The following C5orf15 variants were observed in gnomAD, a reference collection of about 807,000 sequenced individuals.
C5orf15 encodes the protein keratinocyte-associated transmembrane protein 2.
In C5orf15, 10 loss-of-function variants were observed where a neutral mutation model predicts 17.8. The ratio of observed to expected loss-of-function variants is 0.56; its 90% CI spans 0.35 to 0.95. C5orf15 has a LOEUF of 0.95. Ranked by LOEUF, C5orf15 falls within the 40% of genes least tolerant of loss-of-function variation. The pLI, the probability that C5orf15 is intolerant of heterozygous loss-of-function variation, is 0.02. For missense variants in C5orf15, 319 were observed against 331.7 expected, an observed-to-expected ratio of 0.96 and a Z score of 0.30; for synonymous variants, 124 against 131.0, an observed-to-expected ratio of 0.95 and a Z score of 0.36.
intron 2 of C5orf15, among the ~76,000 whole-genome samples, chr5:133,958,679 GA>G (rs1752073922): frequency 7.0e-6 from 1 of 142,836 alleles, no homozygotes; most frequent in South Asian, 2.2e-4. Context: ...TTATAGACCA[GA>G]AATACACCAA....
chr5:133,963,864 AT>A (rs899507677), intron 1 of C5orf15, among the ~76,000 whole-genome samples: 2 of 152,216 alleles, frequency 1.3e-5, no homozygotes, highest in African/African-American at 4.8e-5. Flanking sequence ...ACAATCAGGC[AT>A]CCTTCAACAG....
intron 2 of C5orf15, among the ~76,000 whole-genome samples, chr5:133,957,816 T>G (rs980178908): frequency 6.6e-6 from 1 of 152,232 alleles, no homozygotes; most frequent in Non-Finnish European, 1.5e-5. Flanking sequence ...GCTTACAGTG[T>G]TACAAAGCAA....
intron 1 of C5orf15, among the ~76,000 whole-genome samples, chr5:133,966,111 C>A (rs1580700167): frequency 6.6e-6 from 1 of 151,658 alleles, no homozygotes; most frequent in East Asian, 1.9e-4. Context: ...TCCCAGCATA[C>A]TCGGGAGGCT....
chr5:133,962,757 A>G (rs73787981), intron 1 of C5orf15, among the ~76,000 whole-genome samples: 2 of 152,100 alleles, frequency 1.3e-5, no homozygotes, highest in African/African-American at 4.8e-5. Context: ...AAGACCTCCT[A>G]TCCTTCCAGT....
At chr5:133,959,274 G>C (rs1286804749) in intron 2 of C5orf15, among the ~76,000 whole-genome samples, 2 of 151,630 alleles carry the variant, frequency 1.3e-5, no homozygotes, top group Non-Finnish European at 2.9e-5. Flanking sequence ...TGAATCTGTA[G>C]TCCCACCAAC....
intron 1 of C5orf15, among the ~76,000 whole-genome samples, chr5:133,964,078 G>A (rs1198482205): frequency 6.6e-6 from 1 of 152,090 alleles, no homozygotes; most frequent in African/African-American, 2.4e-5. Flanking sequence ...TTAGCTGGGT[G>A]TGGTGGTGTG....
intron 2 of C5orf15, among the ~76,000 whole-genome samples, chr5:133,958,264 T>A (rs1042913445): frequency 6.6e-6 from 1 of 151,872 alleles, no homozygotes; most frequent in African/African-American, 2.4e-5. Flanking sequence ...AAAATGCTCA[T>A]GATTGGTCAG....
chr5:133,959,137 G>A (rs1255036409), intron 2 of C5orf15, among the ~76,000 whole-genome samples: 10 of 152,020 alleles, frequency 6.6e-5, no homozygotes, highest in Non-Finnish European at 1.2e-4. Flanking sequence ...AGGCCGAGGC[G>A]GGAGGACTGC....
Position 133,960,023 on chromosome 5 carries a change from GAAAC to G in C5orf15, c.140-7_140-4del, listed in dbSNP as rs766820644. On this transcript the variant is annotated splice_region_variant and splice_polypyrimidine_tract_variant and intron_variant, in intron 1 of 2. Transcript: ENST00000231512. ...CGGTGAATCAGTCCGTGATACAACTGAAACAAACAAAGAATATCAAACTGAAATC... is the reference window on the plus strand; with the variant it reads ...CGGTGAATCAGTCCGTGATACAACTGAAACAAAGAATATCAAACTGAAATC... 1.8e-5 allele frequency: 28 copies of G among 1,577,874 alleles called. No individual in the cohort carries two copies. The highest frequency in any genetic ancestry group is 2.2e-5 in the Non-Finnish European group (25 of 1,159,048).
chr5:133,955,813 A>G lies in C5orf15; in HGVS notation c.*1046T>C, dbSNP rs1752035640. 6.6e-6 allele frequency: 1 copy of G among 152,384 alleles called. No homozygotes were observed. Among genetic ancestry groups the G allele is most frequent in the South Asian group, 2.1e-4 (1 of 4,836 alleles). The allele number at this position is 152,384 out of a possible 1,614,324, so 9.4% of individuals were successfully genotyped here. A position where few individuals can be genotyped will look rare whatever the true frequency, so the allele number is the denominator to read the frequency against. On this transcript the variant is annotated 3_prime_UTR_variant, in exon 3 of 3. Coordinates refer to ENST00000231512, the MANE Select transcript of C5orf15 (RefSeq NM_020199.3). Reference sequence around the variant, plus strand: ...CATGGTTCAAATCACATATTTACATATTGATCAATTCTTTATGATAGAAAG... The same window carrying G: ...CATGGTTCAAATCACATATTTACATGTTGATCAATTCTTTATGATAGAAAG...
intron 1 of C5orf15, among the ~76,000 whole-genome samples, chr5:133,967,118 T>G (rs1752203419): frequency 6.6e-6 from 1 of 152,262 alleles, no homozygotes; most frequent in Admixed American, 6.5e-5. Flanking sequence ...TTATTTTTCT[T>G]AGATGATTAA....
intron 2 of C5orf15, 105 bp downstream of exon 2, chr5:133,959,389 C>T: frequency 1.3e-6 from 1 of 782,990 alleles, no homozygotes; most frequent in Non-Finnish European, 1.8e-6. Context: ...GTGAAACCCA[C>T]TACACTTTTT....
In C5orf15 at chr5:133,959,987, A is replaced by G; in HGVS notation, c.173T>C (p.Val58Ala). 2.5e-6 allele frequency: 4 copies of G among 1,612,338 alleles called. No homozygotes were observed. Among genetic ancestry groups the G allele is most frequent in the Non-Finnish European group, 3.4e-6 (4 of 1,178,458 alleles). The change falls in exon 2 of 3, where the codon GTA (valine) becomes GCA (alanine). Residue 58 changes from valine to alanine, a missense_variant. Transcript: ENST00000231512. ...TGGGGTAGAAATATGTGAGTTGAGT[A>G]CGGTTGGGCTCGGTGAATCAGTCCG... ...VSRTDSPSPT[V>A]LNSHISTPNV...
At chr5:133,963,815 A>G (rs890734474) in intron 1 of C5orf15, among the ~76,000 whole-genome samples, 1 of 152,178 alleles carries the variant, frequency 6.6e-6, no homozygotes, top group Non-Finnish European at 1.5e-5. Context: ...GCACAAACAC[A>G]TTCATAGCAG....
Position 133,956,127 on chromosome 5 carries a change from T to A in C5orf15, c.*732A>T, listed in dbSNP as rs1229363783. 1.3e-5 allele frequency: 2 copies of A among 152,674 alleles called. No individual in the cohort carries two copies. Among genetic ancestry groups the A allele is most frequent in the Non-Finnish European group, 2.9e-5 (2 of 68,026 alleles). 9.5% of individuals were successfully genotyped at this position (152,674 alleles called of 1,614,324 possible). On this transcript the variant is annotated 3_prime_UTR_variant, in exon 3 of 3. Transcript: ENST00000231512. ...CTTGAAACCTTGGAGGAACCCATGC[T>A]ACAATCAATTGCTAACTAAAAGCAA...
intron 1 of C5orf15, among the ~76,000 whole-genome samples, chr5:133,960,472 T>A (rs533592885): frequency 4.8e-4 from 73 of 152,240 alleles, no homozygotes; most frequent in South Asian, 3.5e-3. Context: ...GATATGGAGT[T>A]TGGACCTAAA....
At chr5:133,964,218 ATAAAAGT>A (rs1752164291) in intron 1 of C5orf15, among the ~76,000 whole-genome samples, 1 of 152,244 alleles carries the variant, frequency 6.6e-6, no homozygotes, top group Admixed American at 6.5e-5. Context: ...TCTCGAAAAA[ATAAAAGT>A]TAAAATTTAA....
chr5:133,961,229 T>C (rs1414790770), intron 1 of C5orf15, among the ~76,000 whole-genome samples: 1 of 85,444 alleles, frequency 1.2e-5, no homozygotes, highest in Non-Finnish European at 2.3e-5. Context: ...TGTAGTCAGT[T>C]AGTAAAAAAA....
At chr5:133,957,029 CAG>C in intron 2 of C5orf15, 39 bp from the exon 3 acceptor site, 7 of 1,495,610 alleles carry the variant, frequency 4.7e-6, no homozygotes, top group South Asian at 1.2e-5. Flanking sequence ...AAAGAGAAAA[CAG>C]AGAATATGGT....
Sources: allele counts gnomAD v4.1 joint callset (sites outside exome capture counted in the v4.1 genomes callset), GRCh38; gene constraint gnomAD v4.1.1; transcripts MANE v1.5; gene names NCBI Gene and HGNC (gene_info 2026-07-23, HGNC 2026-07-21).